XRN1: variants seen among roughly 807,000 people sequenced by gnomAD.
XRN1 encodes the protein strand-exchange protein 1 homolog.
In XRN1, 67 loss-of-function variants were observed where a neutral mutation model predicts 222.3. That is an observed-to-expected ratio of 0.30 (90% confidence interval 0.25 to 0.37). The LOEUF is 0.37. Ranked by LOEUF, XRN1 falls within the 10% of genes least tolerant of loss-of-function variation. XRN1 has a pLI of 1.00. For synonymous variants in XRN1, 643 were observed against 652.4 expected, an observed-to-expected ratio of 0.99 and a Z score of 0.22; for missense variants, 1,707 against 2,000.2, an observed-to-expected ratio of 0.85 and a Z score of 2.80.
rs769593916 is a variant in XRN1, at chr3:142,376,459, T to C, written c.2831+20A>G. On this transcript the variant is annotated intron_variant, in intron 24 of 40. Coordinates refer to ENST00000392981, the MANE Select transcript of XRN1 (RefSeq NM_001282857.2). ...TAATTTTTCTGCCACTTTAAGTAAA[T>C]TTCTCTAACATAAACTTACTTTCTC... The C allele has an allele frequency of 3.8e-6, 6 of 1,564,986 alleles. No homozygotes were observed. The Admixed American group carries it at 1.0e-4, about 27-fold the overall frequency.
rs574018536 is a variant in XRN1 at position 142,351,976 on chromosome 3, C to T, written c.3768+3425G>A. Among the ~76,000 whole-genome samples, 11 of 151,550 alleles carry T rather than the reference C, an allele frequency of 7.3e-5. No individual in the cohort carries two copies. In the East Asian group the frequency reaches 1.4e-3, roughly 19 times the overall value. On this transcript the variant is annotated intron_variant, in intron 32 of 40. Transcript: ENST00000392981. ...CCTCTTACCCTTATTTCTAACACCA[C>T]CATTCCTCAGGCATATAATCTAAAA... is the stretch of plus-strand genomic sequence containing the variant.
At chr3:142,340,844 G>A (rs1448614549) in intron 33 of XRN1, among the ~76,000 whole-genome samples, 10 of 152,084 alleles carry the variant, frequency 6.6e-5, no homozygotes, top group African/African-American at 2.2e-4. Flanking sequence ...CTTCAAACAT[G>A]AAGGAGAAAT....
intron 33 of XRN1, among the ~76,000 whole-genome samples, chr3:142,340,935 T>C (rs2065975223): frequency 6.6e-6 from 1 of 152,148 alleles, no homozygotes; most frequent in Non-Finnish European, 1.5e-5. Flanking sequence ...GAGTACTTTA[T>C]TCAGAAAGCA....
At chr3:142,322,926 C>T (rs550281856) in intron 37 of XRN1, among the ~76,000 whole-genome samples, 1 of 152,172 alleles carries the variant, frequency 6.6e-6, no homozygotes, top group South Asian at 2.1e-4. Flanking sequence ...TCGCTTGAAC[C>T]CGGGAGGCGG....
At chr3:142,345,957 CA>C (rs1410152613) in intron 33 of XRN1, among the ~76,000 whole-genome samples, 1 of 152,112 alleles carries the variant, frequency 6.6e-6, no homozygotes. Context: ...TGGTAATATC[CA>C]AACAGTTCGG....
chr3:142,412,516 G>A, intron 15 of XRN1, 28 bp downstream of exon 15: 2 of 1,559,626 alleles, frequency 1.3e-6, no homozygotes, highest in South Asian at 1.2e-5. Context: ...GAATGTATGT[G>A]TATGTAATGA....
At chr3:142,312,147 C>G (rs1057413484) in intron 40 of XRN1, among the ~76,000 whole-genome samples, 2 of 152,038 alleles carry the variant, frequency 1.3e-5, no homozygotes, top group South Asian at 2.1e-4. Context: ...CATGGTGGCA[C>G]ATGCCTGTAG....
intron 37 of XRN1, among the ~76,000 whole-genome samples, chr3:142,324,505 A>G (rs113532945): frequency 1.3e-5 from 2 of 151,990 alleles, no homozygotes; most frequent in Non-Finnish European, 2.9e-5. Context: ...TTGTTGGACA[A>G]TTGGGTTGGT....
chr3:142,375,198 C>G (rs900331732), intron 25 of XRN1, among the ~76,000 whole-genome samples: 1 of 152,078 alleles, frequency 6.6e-6, no homozygotes, highest in African/African-American at 2.4e-5. Context: ...GTTACAGGAG[C>G]TAGCCTAGGA....
At chr3:142,374,886 G>A (rs1054817769) in intron 25 of XRN1, among the ~76,000 whole-genome samples, 1 of 152,174 alleles carries the variant, frequency 6.6e-6, no homozygotes, top group Non-Finnish European at 1.5e-5. Context: ...CATTAGCATG[G>A]ACTCTGATCT....
chr3:142,432,111 A>G (rs1166093466), intron 2 of XRN1, among the ~76,000 whole-genome samples: 1 of 112,740 alleles, frequency 8.9e-6, no homozygotes, highest in Non-Finnish European at 1.7e-5. Context: ...ATTATATATA[A>G]ATATATAAAT....
At position 142,434,997 on chromosome 3, in the gene XRN1, T is replaced by C. The variant is rs1003366195; in HGVS notation, c.76-2104A>G. ...CAGAAATCATAAAGCAAATAAATGG[T>C]AGAGTTATCTAAAAATGTATTGTTT... On this transcript the variant is annotated intron_variant, in intron 1 of 40. Transcript: ENST00000392981. 5.3e-5 allele frequency: 8 copies of C among 152,154 alleles called. No individual in the cohort carries two copies. The East Asian group carries it at 1.2e-3, about 22-fold the overall frequency. 9.4% of individuals were successfully genotyped at this position (152,154 alleles called of 1,614,324 possible). A position where few individuals can be genotyped will look rare whatever the true frequency, so the allele number is the denominator to read the frequency against.
chr3:142,318,869 C>T lies in XRN1; in HGVS notation c.4439G>A (p.Gly1480Asp). The T allele has an allele frequency of 6.2e-7, 1 of 1,613,610 alleles. No homozygotes were observed. The highest frequency in any genetic ancestry group is 1.7e-4 in the Middle Eastern group (1 of 5,984). The change falls in exon 38 of 41, where the codon GGC (glycine) becomes GAC (aspartate). Residue 1480 changes from glycine (G) to aspartate (D), a missense_variant. By Grantham distance (94) the Gly-to-Asp change is moderately conservative. This residue lies in a region of XRN1 where 473 missense variants were observed against 482.0 expected (regional missense o/e 0.98). Transcript: ENST00000392981. ...MTVCQVKLSN[G>D]LLVHGPQCHS... ...GCACTGTGGCCCATGTACCAGTAAGCCATTAGATAATTTTACTTGGCAAAC... is the reference window on the plus strand; with the variant it reads ...GCACTGTGGCCCATGTACCAGTAAGTCATTAGATAATTTTACTTGGCAAAC...
At chr3:142,361,332 A>G (rs1033843298) in intron 29 of XRN1, among the ~76,000 whole-genome samples, 3 of 152,218 alleles carry the variant, frequency 2.0e-5, no homozygotes, top group African/African-American at 4.8e-5. Flanking sequence ...TTACATACAT[A>G]TAAAGCTGCT....
intron 20 of XRN1, among the ~76,000 whole-genome samples, chr3:142,395,386 G>A (rs183051368): frequency 1.3e-5 from 2 of 152,344 alleles, no homozygotes; most frequent in African/African-American, 2.4e-5. Flanking sequence ...AGGACAGCCT[G>A]AATTGGCAGG....
At chr3:142,401,595 G>GTT in intron 18 of XRN1, among the ~76,000 whole-genome samples, 1 of 152,168 alleles carries the variant, frequency 6.6e-6, no homozygotes, top group East Asian at 1.9e-4. Flanking sequence ...ACAGGAGCCT[G>GTT]TAATTCCAGC....
chr3:142,382,125 A>AT (rs1173672872), intron 22 of XRN1, among the ~76,000 whole-genome samples: 1 of 152,002 alleles, frequency 6.6e-6, no homozygotes, highest in Admixed American at 6.6e-5. Flanking sequence ...ATGTTGCTCA[A>AT]TTTTTTTCCT....
Position 142,309,687 on chromosome 3 carries a change from G to A in XRN1, c.*1824C>T, listed in dbSNP as rs1231887355. 1.3e-5 allele frequency: 2 copies of A among 152,214 alleles called. No individual in the cohort carries two copies. The highest frequency in any genetic ancestry group is 2.9e-5 in the Non-Finnish European group (2 of 68,042). 9.4% of individuals were successfully genotyped at this position (152,214 alleles called of 1,614,324 possible). A position where few individuals can be genotyped will look rare whatever the true frequency, so the allele number is the denominator to read the frequency against. On this transcript the variant is annotated 3_prime_UTR_variant, in exon 41 of 41. Transcript: ENST00000392981. ...CTTCTATGCTCTAAAACAGATGTGA[G>A]CTGCATGCTATTTATATAACTGTCA...
intron 14 of XRN1, among the ~76,000 whole-genome samples, chr3:142,413,235 C>T (rs377119079): frequency 4.6e-5 from 7 of 152,130 alleles, no homozygotes; most frequent in African/African-American, 1.7e-4. Context: ...GGAAATAAGG[C>T]AGTATACTCT....
Sources: gnomAD v4.1 joint callset for allele counts (sites outside exome capture counted in the v4.1 genomes callset) on GRCh38, gnomAD v4.1.1 for gene constraint, gnomAD v4.1.1 regional missense constraint, MANE v1.5 for transcripts, NCBI Gene and HGNC (gene_info 2026-07-23, HGNC 2026-07-21) for gene names.